The following CMTM4 variants were observed in gnomAD, a reference collection of about 807,000 sequenced individuals.
The protein encoded by CMTM4 is CKLF-like MARVEL transmembrane domain-containing protein 4.
CMTM4 carries 8 observed loss-of-function variants against 19.0 expected under a neutral mutation model. That is an observed-to-expected ratio of 0.42 (90% CI 0.25 to 0.76). CMTM4 has a LOEUF of 0.76. Among genes scored for constraint, CMTM4 ranks in the 30% least tolerant of loss-of-function variants. The pLI is 0.27. For synonymous variants in CMTM4, 106 were observed against 121.1 expected, an observed-to-expected ratio of 0.88 and a Z score of 0.82; for missense variants, 228 against 290.2, an observed-to-expected ratio of 0.79 and a Z score of 1.56.
intron 1 of CMTM4, among the ~76,000 whole-genome samples, chr16:66,673,782 C>G (rs1220193699): frequency 6.6e-6 from 1 of 152,230 alleles, no homozygotes; most frequent in Admixed American, 6.5e-5. Flanking sequence ...AGGGGATTGA[C>G]ATTTTATTGA....
rs531661664 is a variant in CMTM4, at chr16:66,617,367, G to GA, written c.*4690dup. 187 of 1,593,306 alleles carry GA rather than the reference G, an allele frequency of 1.2e-4. No individual in the cohort carries two copies. The highest frequency in any genetic ancestry group is 3.4e-4 in the South Asian group (30 of 88,378). ...TTGTGGAGTAGGAAAAACTAGAAAG[G>GA]AAAAAAAAATCCCAAAGGTTGAAAA... On this transcript the variant is annotated 3_prime_UTR_variant, in exon 4 of 4. Transcript: ENST00000394106.
intron 2 of CMTM4, among the ~76,000 whole-genome samples, chr16:66,633,146 T>TAAATATATATA (rs2015916739): frequency 8.1e-6 from 1 of 123,438 alleles, no homozygotes; most frequent in African/African-American, 4.1e-5. Context: ...TATATATATA[T>TAAATATATATA]CAAAGTCCCA....
At chr16:66,647,558 A>G (rs998740847) in intron 1 of CMTM4, among the ~76,000 whole-genome samples, 3 of 152,074 alleles carry the variant, frequency 2.0e-5, no homozygotes, top group Admixed American at 1.3e-4. Flanking sequence ...CGCAGGGCCA[A>G]CTGTGAGGAG....
chr16:66,627,047 G>T (rs1270415786), intron 2 of CMTM4, among the ~76,000 whole-genome samples: 2 of 152,208 alleles, frequency 1.3e-5, no homozygotes, highest in Non-Finnish European at 2.9e-5. Flanking sequence ...AGGCTGCAGT[G>T]AGCGGAGACT....
chr16:66,621,541 G>A lies in CMTM4; in HGVS notation c.*517C>T. 1 of 988,170 alleles carries A rather than the reference G, an allele frequency of 1.0e-6. No homozygotes were observed. The highest frequency in any genetic ancestry group is 4.7e-5 in the South Asian group (1 of 21,468). The allele number at this position is 988,170 out of a possible 1,614,324, so 61.2% of individuals were successfully genotyped here. On this transcript the variant is annotated 3_prime_UTR_variant, in exon 4 of 4. Coordinates refer to ENST00000394106, the MANE Select transcript of CMTM4 (RefSeq NM_181521.3). ...CAGGACATCAGCTTTCCCCAGCCCT[G>A]TGGCCTTTGGGCTGGTGCTGGCTGC... is the stretch of plus-strand genomic sequence containing the variant.
chr16:66,678,859 C>A (rs1227373496), intron 1 of CMTM4, among the ~76,000 whole-genome samples: 1 of 152,114 alleles, frequency 6.6e-6, no homozygotes, highest in Non-Finnish European at 1.5e-5. Flanking sequence ...GTAATCCCAG[C>A]ACTTTGAGAG....
intron 1 of CMTM4, among the ~76,000 whole-genome samples, chr16:66,654,915 T>C (rs1290247949): frequency 2.6e-5 from 4 of 152,166 alleles, no homozygotes; most frequent in African/African-American, 7.2e-5. Flanking sequence ...CTCAGATATA[T>C]TTCCTGTCTT....
intron 1 of CMTM4, among the ~76,000 whole-genome samples, chr16:66,693,229 A>G (rs1478004912): frequency 1.3e-5 from 2 of 149,954 alleles, no homozygotes; most frequent in South Asian, 2.1e-4. Context: ...TAACACAAAG[A>G]AAAAAAAAAC....
the CMTM4 span, among the ~76,000 whole-genome samples, chr16:66,601,723 C>T: frequency 6.6e-5 from 10 of 152,188 alleles, no homozygotes; most frequent in East Asian, 1.9e-4. Flanking sequence ...GATCAGAGCA[C>T]GTGTCCACAG....
chr16:66,611,679 G>A (rs1424067524), downstream of CMTM4, among the ~76,000 whole-genome samples: 1 of 152,066 alleles, frequency 6.6e-6, no homozygotes, highest in African/African-American at 2.4e-5. Flanking sequence ...GGGTGGGGTT[G>A]GGGGTTAGTG....
In CMTM4 at chr16:66,658,780, A is replaced by C. The variant is rs2016448528; in HGVS notation, c.187-22199T>G. 2.0e-5 allele frequency among the ~76,000 whole-genome samples: 3 copies of C among 152,078 alleles called. No individual in the cohort carries two copies. The South Asian group carries it at 6.2e-4, about 32-fold the overall frequency. On this transcript the variant is annotated intron_variant, in intron 1 of 3. Coordinates refer to ENST00000394106, the MANE Select transcript of CMTM4 (RefSeq NM_181521.3). ...CAAAAATGTCTCCAGATACTGTCAAATATCCCTGGGGGGCAAAATCTCCTC... is the reference window on the plus strand; with the variant it reads ...CAAAAATGTCTCCAGATACTGTCAACTATCCCTGGGGGGCAAAATCTCCTC...
intron 1 of CMTM4, among the ~76,000 whole-genome samples, chr16:66,644,459 G>A (rs1277976227): frequency 6.6e-6 from 1 of 152,186 alleles, no homozygotes; most frequent in African/African-American, 2.4e-5. Flanking sequence ...AACAAAAACA[G>A]AAAGAAAATG....
intron 2 of CMTM4, among the ~76,000 whole-genome samples, chr16:66,628,645 T>C (rs548153039): frequency 1.8e-4 from 28 of 152,326 alleles, no homozygotes; most frequent in South Asian, 1.2e-3. Flanking sequence ...AGCAAAGCAA[T>C]TGTTCAAGGT....
At chr16:66,683,177 A>ATG (rs1491161641) in intron 1 of CMTM4, among the ~76,000 whole-genome samples, 37 of 66,262 alleles carry the variant, frequency 5.6e-4, no homozygotes, top group Non-Finnish European at 1.1e-3. Context: ...ATATATATAC[A>ATG]TATGTATATA....
chr16:66,613,945 G>C (rs368363965), downstream of CMTM4: 9 of 106,960 alleles, frequency 8.4e-5, no homozygotes, highest in African/African-American at 2.5e-4. Flanking sequence ...GTGGAAGACA[G>C]TTTTTCCATG....
chr16:66,652,549 A>G (rs2144843361), intron 1 of CMTM4, among the ~76,000 whole-genome samples: 1 of 152,316 alleles, frequency 6.6e-6, no homozygotes, highest in South Asian at 2.1e-4. Context: ...CATTGCATTC[A>G]ATTCAATTTT....
intron 2 of CMTM4, among the ~76,000 whole-genome samples, chr16:66,624,702 G>A (rs559574308): frequency 1.6e-4 from 25 of 152,378 alleles, no homozygotes; most frequent in African/African-American, 6.0e-4. Context: ...GGGAGGCAGA[G>A]GTTGCAGTGA....
Position 66,696,207 on chromosome 16 carries a change from G to A in CMTM4, c.186+133C>T, listed in dbSNP as rs868255983. On this transcript the variant is annotated intron_variant, in intron 1 of 3. Transcript: ENST00000394106. The surrounding 1 kb of genome is among the most constrained non-coding windows in gnomAD (Gnocchi z 4.3). ...CTGCAGAGTGGTCCCGGGACCCCAC[G>A]AGGGAGAGGGGGCGCGAGGAGCGGG... is the stretch of plus-strand genomic sequence containing the variant. The A allele has an allele frequency of 3.5e-5, 20 of 571,964 alleles. No individual in the cohort carries two copies. Among genetic ancestry groups the A allele is most frequent in the Middle Eastern group, 1.1e-3 (2 of 1,808 alleles). 35.4% of individuals were successfully genotyped at this position (571,964 alleles called of 1,614,324 possible). A position where few individuals can be genotyped will look rare whatever the true frequency, so the allele number is the denominator to read the frequency against.
In CMTM4 at chr16:66,615,185, G is replaced by C. The variant is rs2015503489; in HGVS notation, c.*6873C>G. On this transcript the variant is annotated 3_prime_UTR_variant, in exon 4 of 4. Coordinates refer to ENST00000394106, the MANE Select transcript of CMTM4 (RefSeq NM_181521.3). This position sits in a 1 kb window ranked among gnomAD's most constrained non-coding sequence, Gnocchi z 4.9. ...GAGACTTGATGAGTAAAATGTGATA[G>C]TTGTTAACATTGCCCCCCAAAAGTG... 1 of 152,246 alleles carries C rather than the reference G, an allele frequency of 6.6e-6. No individual in the cohort carries two copies. The highest frequency in any genetic ancestry group is 2.4e-5 in the African/African-American group (1 of 41,470). The allele number at this position is 152,246 out of a possible 1,614,324, so 9.4% of individuals were successfully genotyped here.
Sources: allele counts gnomAD v4.1 joint callset (sites outside exome capture counted in the v4.1 genomes callset), GRCh38; gene constraint gnomAD v4.1.1; non-coding constraint Gnocchi (gnomAD v3.1); transcripts MANE v1.5; gene names NCBI Gene and HGNC (gene_info 2026-07-23, HGNC 2026-07-21).